The following IL1RAPL2 variants were observed in gnomAD, a reference collection of about 807,000 sequenced individuals.
IL1RAPL2 encodes the protein interleukin 1 receptor accessory protein like 2, also known as X-linked interleukin-1 receptor accessory protein-like 2.
In IL1RAPL2, 3 loss-of-function variants were observed where a neutral mutation model predicts 44.1. The observed-to-expected ratio is 0.07, with a 90% CI of 0.03 to 0.18. The LOEUF is 0.18. Ranked by LOEUF, IL1RAPL2 falls within the 10% of genes least tolerant of loss-of-function variation. The pLI, the probability that IL1RAPL2 is intolerant of heterozygous loss-of-function variation, is 1.00. For missense variants in IL1RAPL2, 391 were observed against 496.4 expected (o/e 0.79, Z 2.02); for synonymous variants, 181 against 178.8 (o/e 1.01, Z -0.10).
intron 9 of IL1RAPL2, among the ~76,000 whole-genome samples, chrX:105,750,028 T>C (rs1054550785): frequency 5.6e-4 from 62 of 111,051 alleles, no homozygotes; most frequent in African/African-American, 2.0e-3. Flanking sequence ...TTGAGGCTTT[T>C]GTTTATTTTT....
intron 1 of IL1RAPL2, among the ~76,000 whole-genome samples, chrX:104,572,060 T>C (rs1290372985): frequency 1.8e-5 from 2 of 112,236 alleles, no homozygotes; most frequent in South Asian, 3.7e-4. Flanking sequence ...TGTTATGAAT[T>C]TTTAACATTT....
intron 2 of IL1RAPL2, among the ~76,000 whole-genome samples, chrX:105,096,959 G>T (rs1418506624): frequency 9.0e-6 from 1 of 111,151 alleles, no homozygotes; most frequent in African/African-American, 3.3e-5. Context: ...TCTATCACTT[G>T]CCCTAACTCT....
intron 6 of IL1RAPL2, among the ~76,000 whole-genome samples, chrX:105,595,394 A>G (rs1482960829): frequency 9.0e-6 from 1 of 111,715 alleles, no homozygotes; most frequent in African/African-American, 3.3e-5. Context: ...TATACTAATG[A>G]TCATATTATT....
intron 8 of IL1RAPL2, among the ~76,000 whole-genome samples, chrX:105,748,185 A>C (rs762239239): frequency 9.0e-6 from 1 of 111,507 alleles, no homozygotes; most frequent in Admixed American, 9.5e-5. Flanking sequence ...AGCCTGGGAG[A>C]CATTATGTCT....
chrX:105,559,340 C>T (rs963942115), intron 6 of IL1RAPL2, among the ~76,000 whole-genome samples: 6 of 111,958 alleles, frequency 5.4e-5, no homozygotes, highest in East Asian at 2.8e-4. Context: ...AAAATAAACC[C>T]ACTCATATAC....
At chrX:105,389,776 A>G (rs2035507547) in intron 5 of IL1RAPL2, among the ~76,000 whole-genome samples, 1 of 111,081 alleles carries the variant, frequency 9.0e-6, no homozygotes, top group Non-Finnish European at 1.9e-5. Context: ...AAATGAGAAA[A>G]CTTTTGAGAA....
Position 104,959,371 on chromosome X carries a change from C to T in IL1RAPL2, c.83-236104C>T, listed in dbSNP as rs1055344386. On this transcript the variant is annotated intron_variant, in intron 2 of 10. Transcript: ENST00000372582. ...TGTGTGTAGGTCTACTGCACGTATT[C>T]TTGGTGCTCAGGGACTTATAGTGGT... 5.4e-5 allele frequency among the ~76,000 whole-genome samples: 6 copies of T among 110,640 alleles called. No homozygotes were observed. In the Admixed American group the frequency reaches 5.8e-4, roughly 11 times the overall value.
chrX:105,103,659 T>C (rs1238290368), intron 2 of IL1RAPL2, among the ~76,000 whole-genome samples: 2 of 111,652 alleles, frequency 1.8e-5, no homozygotes, highest in African/African-American at 3.3e-5. Flanking sequence ...ATATGTAAAA[T>C]TGGCCATCTT....
rs2035708576 is a variant in IL1RAPL2, at chrX:105,413,099, T to C, written c.698-71214T>C. 2.7e-5 allele frequency among the ~76,000 whole-genome samples: 3 copies of C among 112,220 alleles called. No individual in the cohort carries two copies. In the South Asian group the frequency reaches 1.1e-3, roughly 41 times the overall value. On this transcript the variant is annotated intron_variant, in intron 5 of 10. Coordinates refer to ENST00000372582, the MANE Select transcript of IL1RAPL2 (RefSeq NM_017416.2). ...ATTCTGTATTACAGTATATGTAATT[T>C]ATTTTCTGTGCTTTTCTATATTTTA...
At chrX:105,075,484 G>A (rs1485571306) in intron 2 of IL1RAPL2, among the ~76,000 whole-genome samples, 2 of 111,620 alleles carry the variant, frequency 1.8e-5, no homozygotes, top group African/African-American at 6.5e-5. Context: ...GTTCATCAAG[G>A]ATATTGGTCT....
rs752830711 is a variant in IL1RAPL2 at position 105,040,334 on chromosome X, A to C, written c.83-155141A>C. ...CAATGTTCATGAAGGATATTGGTCT[A>C]AAATTCTCTTTTTTAGTTGTGTCTC... On this transcript the variant is annotated intron_variant, in intron 2 of 10. Coordinates refer to ENST00000372582, the MANE Select transcript of IL1RAPL2 (RefSeq NM_017416.2). 2.8e-3 allele frequency among the ~76,000 whole-genome samples: 308 copies of C among 111,500 alleles called. 2 individuals are homozygous for C. Among genetic ancestry groups the C allele is most frequent in the Non-Finnish European group, 3.5e-3 (186 of 53,056 alleles).
In IL1RAPL2 at chrX:105,115,822, C is replaced by T. The variant is rs1005026089; in HGVS notation, c.83-79653C>T. On this transcript the variant is annotated intron_variant, in intron 2 of 10. Coordinates refer to ENST00000372582, the MANE Select transcript of IL1RAPL2 (RefSeq NM_017416.2). ...GAGAGCGGCGCTCGTCCGGGAGGCT[C>T]GGGCCGTGCAGGAGCCCATGGCGGT... Among the ~76,000 whole-genome samples, 6 of 112,881 alleles carry T rather than the reference C, an allele frequency of 5.3e-5. No homozygotes were observed. In the South Asian group the frequency reaches 1.1e-3, roughly 20 times the overall value.
intron 1 of IL1RAPL2, among the ~76,000 whole-genome samples, chrX:104,595,909 A>G: frequency 1.4e-5 from 1 of 72,612 alleles, no homozygotes; most frequent in South Asian, 5.1e-4. Flanking sequence ...GGGCCCAGGA[A>G]CCTTTTTTAT....
chrX:105,087,083 A>G (rs1350923028), intron 2 of IL1RAPL2, among the ~76,000 whole-genome samples: 1 of 111,243 alleles, frequency 9.0e-6, no homozygotes, highest in Non-Finnish European at 1.9e-5. Flanking sequence ...AATTCAGACA[A>G]TATAGCTCCA....
chrX:105,249,206 C>T (rs2034248535), intron 4 of IL1RAPL2, among the ~76,000 whole-genome samples: 1 of 110,598 alleles, frequency 9.0e-6, no homozygotes. Context: ...TGGATGGAAC[C>T]AGAGGTCATT....
intron 2 of IL1RAPL2, among the ~76,000 whole-genome samples, chrX:105,144,094 G>GGT (rs762069943): frequency 0.11 from 8,651 of 79,419 alleles, 447 homozygotes; most frequent in South Asian, 0.2. Context: ...TCAACAGATG[G>GGT]GTGTGTGTGT....
At chrX:105,752,228 A>T (rs746296294) in intron 9 of IL1RAPL2, among the ~76,000 whole-genome samples, 44 of 111,924 alleles carry the variant, frequency 3.9e-4, no homozygotes, top group African/African-American at 1.4e-3. Flanking sequence ...ATACTATAGT[A>T]GGTAGTAGGT....
At chrX:104,700,814 C>G (rs1931262425) in intron 2 of IL1RAPL2, among the ~76,000 whole-genome samples, 1 of 111,748 alleles carries the variant, frequency 8.9e-6, no homozygotes, top group Non-Finnish European at 1.9e-5. Flanking sequence ...GTCATAAGAG[C>G]TACAGCCTCT....
At chrX:104,621,018 C>T (rs1929388058) in intron 1 of IL1RAPL2, among the ~76,000 whole-genome samples, 1 of 103,437 alleles carries the variant, frequency 9.7e-6, no homozygotes, top group South Asian at 4.0e-4. Flanking sequence ...GTACCTACTG[C>T]TGACATGTAA....
Sources: gnomAD v4.1 joint callset for allele counts (sites outside exome capture counted in the v4.1 genomes callset) on GRCh38, gnomAD v4.1.1 for gene constraint, MANE v1.5 for transcripts, NCBI Gene and HGNC (gene_info 2026-07-23, HGNC 2026-07-21) for gene names.